MECOM: variants seen among roughly 807,000 people sequenced by gnomAD.
MECOM encodes the protein MDS1 and EVI1 complex locus, also known as histone-lysine N-methyltransferase MECOM.
MECOM carries 13 observed loss-of-function variants against 116.3 expected under a neutral mutation model. The observed-to-expected ratio is 0.11, with a 90% CI of 0.07 to 0.18. The LOEUF (loss-of-function observed/expected upper bound fraction) is 0.18. MECOM is among the 10% of genes least tolerant of loss of function. The pLI is 1.00. For synonymous variants in MECOM, 528 were observed against 535.2 expected (o/e 0.99, Z 0.19); for missense variants, 1,299 against 1,509.0 (o/e 0.86, Z 2.31).
chr3:169,381,750 C>T (rs141400641), intron 1 of MECOM, among the ~76,000 whole-genome samples: 1,807 of 152,256 alleles, frequency 0.012, 17 homozygotes, highest in Non-Finnish European at 0.018. Context: ...AGCTAATCCT[C>T]AATTGTCAAT....
chr3:169,250,063 G>A (rs1027634571), intron 2 of MECOM, among the ~76,000 whole-genome samples: 2 of 152,132 alleles, frequency 1.3e-5, no homozygotes, highest in African/African-American at 4.8e-5. Flanking sequence ...TGCAGGAGGC[G>A]GGAGTGTTTG....
intron 1 of MECOM, among the ~76,000 whole-genome samples, chr3:169,455,440 A>G (rs927845063): frequency 1.3e-5 from 2 of 152,198 alleles, no homozygotes; most frequent in Admixed American, 1.3e-4. Flanking sequence ...CAAGAGAAAA[A>G]CTTTGACAGT....
chr3:169,365,885 T>A (rs1729070553), intron 2 of MECOM, among the ~76,000 whole-genome samples: 1 of 152,020 alleles, frequency 6.6e-6, no homozygotes, highest in African/African-American at 2.4e-5. Context: ...AACTGAGTAA[T>A]CTAAGGTGTG....
rs149407216 is a variant in MECOM at position 169,582,787 on chromosome 3, A to G, written c.37+80549T>C. Among the ~76,000 whole-genome samples, 212 of 152,342 alleles carry G rather than the reference A, an allele frequency of 1.4e-3. 1 individual carries two copies. The highest frequency in any genetic ancestry group is 4.9e-3 in the African/African-American group (204 of 41,590). Reference sequence around the variant, plus strand: ...GGAAGCAGCAGCCAGGAGGAGGCACATTGTACAAGTTCCTTCCTAGAGCCT... The same window carrying G: ...GGAAGCAGCAGCCAGGAGGAGGCACGTTGTACAAGTTCCTTCCTAGAGCCT... On this transcript the variant is annotated intron_variant, in intron 1 of 16. Transcript: ENST00000651503.
At chr3:169,165,782 C>G (rs909332897) in intron 2 of MECOM, among the ~76,000 whole-genome samples, 19 of 152,146 alleles carry the variant, frequency 1.2e-4, no homozygotes, top group African/African-American at 4.3e-4. Flanking sequence ...TTTTCACTCT[C>G]TTTCCTAAAT....
intron 2 of MECOM, among the ~76,000 whole-genome samples, chr3:169,294,337 T>C (rs1335783920): frequency 6.6e-6 from 1 of 152,232 alleles, no homozygotes; most frequent in African/African-American, 2.4e-5. Flanking sequence ...TGGGAGAGTT[T>C]GCAATTTCTA....
At chr3:169,309,883 C>T (rs1030165683) in intron 2 of MECOM, among the ~76,000 whole-genome samples, 5 of 152,188 alleles carry the variant, frequency 3.3e-5, no homozygotes, top group African/African-American at 1.2e-4. Context: ...TCTGCAGACC[C>T]TGTCAGGATG....
intron 1 of MECOM, among the ~76,000 whole-genome samples, chr3:169,497,509 C>G (rs781220326): frequency 6.6e-6 from 1 of 152,040 alleles, no homozygotes; most frequent in African/African-American, 2.4e-5. Context: ...CCAGGCCCGG[C>G]TAATTTTTTT....
chr3:169,485,947 A>AC lies in MECOM; in HGVS notation c.38-104424_38-104423insG, dbSNP rs1253686293. 2.2e-5 allele frequency among the ~76,000 whole-genome samples: 2 copies of AC among 90,272 alleles called. 1 individual carries two copies. Among genetic ancestry groups the AC allele is most frequent in the East Asian group, 6.1e-4 (2 of 3,268 alleles). The allele number at this position is 90,272 out of a possible 152,430, so 59.2% of individuals were successfully genotyped here. ...TAGTATATATAGTATATATGTATGT[A>AC]TATATGTACATATATACTATATATA... On this transcript the variant is annotated intron_variant, in intron 1 of 16. Coordinates refer to ENST00000651503, the MANE Select transcript of MECOM (RefSeq NM_004991.4).
chr3:169,451,379 G>A (rs1298044785), intron 1 of MECOM, among the ~76,000 whole-genome samples: 4 of 152,178 alleles, frequency 2.6e-5, no homozygotes, highest in Non-Finnish European at 5.9e-5. Flanking sequence ...ATAGGAATAT[G>A]TACTATGAAA....
At chr3:169,484,937 G>T (rs866059781) in intron 1 of MECOM, among the ~76,000 whole-genome samples, 2 of 152,064 alleles carry the variant, frequency 1.3e-5, no homozygotes, top group South Asian at 4.1e-4. Flanking sequence ...TATTAACGGG[G>T]CTTCAAGTGC....
chr3:169,445,654 G>A (rs987523562), intron 1 of MECOM, among the ~76,000 whole-genome samples: 1 of 152,098 alleles, frequency 6.6e-6, no homozygotes, highest in African/African-American at 2.4e-5. Flanking sequence ...GTGAGAAGGG[G>A]ACCACCATCC....
At chr3:169,293,116 G>T (rs1714918912) in intron 2 of MECOM, among the ~76,000 whole-genome samples, 1 of 152,166 alleles carries the variant, frequency 6.6e-6, no homozygotes, top group Non-Finnish European at 1.5e-5. Flanking sequence ...TATCGCAGGA[G>T]GAGTCAGCTA....
At chr3:169,550,044 G>C (rs749718861) in intron 1 of MECOM, among the ~76,000 whole-genome samples, 4 of 152,166 alleles carry the variant, frequency 2.6e-5, no homozygotes, top group Non-Finnish European at 5.9e-5. Context: ...AGGAGGAAAG[G>C]CTAGCTTGAG....
chr3:169,519,374 A>G (rs1202864863), intron 1 of MECOM, among the ~76,000 whole-genome samples: 1 of 152,234 alleles, frequency 6.6e-6, no homozygotes, highest in Non-Finnish European at 1.5e-5. Context: ...TGTATCAAAG[A>G]TATATGAACT....
At chr3:169,551,212 T>A (rs1761364998) in intron 1 of MECOM, among the ~76,000 whole-genome samples, 1 of 152,172 alleles carries the variant, frequency 6.6e-6, no homozygotes, top group South Asian at 2.1e-4. Context: ...ATCCTGTATA[T>A]CCTGGCTTCC....
Position 169,425,107 on chromosome 3 carries a change from C to CG in MECOM, c.38-43584_38-43583insC, listed in dbSNP as rs1553849466. 7.3e-5 allele frequency among the ~76,000 whole-genome samples: 11 copies of CG among 150,822 alleles called. No homozygotes were observed. The East Asian group carries it at 1.6e-3, about 21-fold the overall frequency. On this transcript the variant is annotated intron_variant, in intron 1 of 16. Coordinates refer to ENST00000651503, the MANE Select transcript of MECOM (RefSeq NM_004991.4). The stretch of plus-strand genomic sequence containing the variant: ...AGTGTTCATTTGCAGAAACCCCCCC[C>CG]CACTTGCATGTGCCTCAGATAACCA...
rs530124371 is a variant in MECOM, at chr3:169,431,631, C to T, written c.38-50107G>A. Among the ~76,000 whole-genome samples the T allele has an allele frequency of 6.6e-5, 10 of 152,280 alleles. No individual in the cohort carries two copies. In the South Asian group the frequency reaches 1.9e-3, roughly 28 times the overall value. ...TCACCTGATTAGATTCAAAGTCGCA[C>T]AGACTAATTTCAATATTTTCCATGG... On this transcript the variant is annotated intron_variant, in intron 1 of 16. Coordinates refer to ENST00000651503, the MANE Select transcript of MECOM (RefSeq NM_004991.4).
At chr3:169,437,920 T>C (rs1194290443) in intron 1 of MECOM, among the ~76,000 whole-genome samples, 2 of 152,200 alleles carry the variant, frequency 1.3e-5, no homozygotes, top group African/African-American at 2.4e-5. Context: ...CTAAAATGTA[T>C]CAAGGGATGT....
Sources: gnomAD v4.1 joint callset for allele counts (sites outside exome capture counted in the v4.1 genomes callset) on GRCh38, gnomAD v4.1.1 for gene constraint, MANE v1.5 for transcripts, NCBI Gene and HGNC (gene_info 2026-07-23, HGNC 2026-07-21) for gene names.